The following HPSE2 variants were observed in gnomAD, a reference collection of about 807,000 sequenced individuals.
The protein encoded by HPSE2 is inactive heparanase-2.
Under a neutral mutation model 60.5 loss-of-function variants are expected in HPSE2, and 38 were observed. That is an observed-to-expected ratio of 0.63 (90% CI 0.48 to 0.82). The LOEUF (loss-of-function observed/expected upper bound fraction) is 0.82, where lower values mean the gene tolerates loss of function less well. Ranked by LOEUF, HPSE2 falls within the 40% of genes least tolerant of loss-of-function variation. HPSE2 has a pLI of 0.00. For missense variants in HPSE2, 713 were observed against 740.4 expected (o/e 0.96, Z 0.43); for synonymous variants, 295 against 293.2 (o/e 1.01, Z -0.06).
chr10:98,904,157 T>G (rs1271656874), intron 3 of HPSE2, among the ~76,000 whole-genome samples: 1 of 152,176 alleles, frequency 6.6e-6, no homozygotes, highest in Non-Finnish European at 1.5e-5. Flanking sequence ...TTGTTAACTT[T>G]CTTTGTAAAT....
chr10:99,185,380 T>C (rs762494383), intron 2 of HPSE2, among the ~76,000 whole-genome samples: 5 of 151,866 alleles, frequency 3.3e-5, no homozygotes, highest in Non-Finnish European at 7.4e-5. Flanking sequence ...GAAGAAGAGA[T>C]AAGAAGAAAA....
chr10:98,744,829 C>T lies in HPSE2; in HGVS notation c.611-773G>A, dbSNP rs189221610. On this transcript the variant is annotated intron_variant, in intron 3 of 11. Coordinates refer to ENST00000370552, the MANE Select transcript of HPSE2 (RefSeq NM_021828.5). ...GGTGAGTCTTGGAAAATAGCTCAGC[C>T]TAGTATGATTTCCAAAAATTTTCAC... 1.4e-3 allele frequency among the ~76,000 whole-genome samples: 208 copies of T among 152,294 alleles called. 2 individuals carry two copies. Among genetic ancestry groups the T allele is most frequent in the African/African-American group, 4.8e-3 (198 of 41,554 alleles).
At chr10:98,696,303 A>AC (rs1565087339) in intron 5 of HPSE2, among the ~76,000 whole-genome samples, 3 of 145,392 alleles carry the variant, frequency 2.1e-5, no homozygotes, top group East Asian at 3.9e-4. Context: ...AAAAAAAAAA[A>AC]AAAAAAAAAA....
At chr10:98,617,256 G>A (rs1945937389) in intron 8 of HPSE2, among the ~76,000 whole-genome samples, 1 of 152,104 alleles carries the variant, frequency 6.6e-6, no homozygotes, top group Non-Finnish European at 1.5e-5. Context: ...ATTAGTCAAT[G>A]CTAAATGCTA....
At chr10:98,918,863 T>TA (rs948608299) in intron 3 of HPSE2, among the ~76,000 whole-genome samples, 14 of 151,376 alleles carry the variant, frequency 9.2e-5, no homozygotes, top group Admixed American at 2.0e-4. Flanking sequence ...GGACAATTAA[T>TA]AAAAAAAAGA....
intron 10 of HPSE2, among the ~76,000 whole-genome samples, chr10:98,486,381 G>C (rs566962327): frequency 6.6e-6 from 1 of 152,148 alleles, no homozygotes; most frequent in South Asian, 2.1e-4. Flanking sequence ...GTTCCTTTCA[G>C]GAGAGAAGTT....
chr10:98,465,365 TAGAGGGGTCTAAAACTCACCTAA>T (rs756002118), intron 11 of HPSE2, among the ~76,000 whole-genome samples: 5 of 152,200 alleles, frequency 3.3e-5, no homozygotes, highest in Non-Finnish European at 7.3e-5. Context: ...AATCAAAGTT[TAGAGGGGTCTAAAACTCACCTAA>T]GCCATACAGC....
chr10:98,656,777 T>TG (rs200328746), intron 6 of HPSE2, among the ~76,000 whole-genome samples: 6,398 of 151,210 alleles, frequency 0.042, 204 homozygotes, highest in East Asian at 0.1. Context: ...TTTTTTTTTT[T>TG]TGGGATGGAG....
chr10:99,207,594 C>A lies in HPSE2; in HGVS notation c.448+24754G>T, dbSNP rs551445813. ...AATAATAATGGCTATAATAAAGGAACCTTAACAATAAAAGTTTTTAAAGAA... is the reference window on the plus strand; with the variant it reads ...AATAATAATGGCTATAATAAAGGAAACTTAACAATAAAAGTTTTTAAAGAA... On this transcript the variant is annotated intron_variant, in intron 2 of 11. Transcript: ENST00000370552. Among the ~76,000 whole-genome samples, 6 of 151,982 alleles carry A rather than the reference C, an allele frequency of 3.9e-5. No individual in the cohort carries two copies. In the South Asian group the frequency reaches 6.2e-4, roughly 16 times the overall value.
chr10:98,964,474 A>G (rs1405679799), intron 3 of HPSE2, among the ~76,000 whole-genome samples: 4 of 152,130 alleles, frequency 2.6e-5, no homozygotes, highest in Admixed American at 2.6e-4. Context: ...CTAGGAGCAC[A>G]TTGCTTATTA....
chr10:98,615,834 A>T (rs1050359153), intron 8 of HPSE2, among the ~76,000 whole-genome samples: 9 of 152,212 alleles, frequency 5.9e-5, no homozygotes, highest in African/African-American at 2.2e-4. Context: ...AATAATACAT[A>T]GAATAAATGT....
intron 5 of HPSE2, among the ~76,000 whole-genome samples, chr10:98,716,931 T>C (rs912532651): frequency 5.3e-5 from 8 of 152,106 alleles, no homozygotes; most frequent in South Asian, 2.1e-4. Flanking sequence ...GTGGAGCAGA[T>C]TTAACATAAT....
In HPSE2 at chr10:99,208,237, A is replaced by G. The variant is rs139082330; in HGVS notation, c.448+24111T>C. Among the ~76,000 whole-genome samples the G allele has an allele frequency of 2.1e-3, 326 of 152,230 alleles. 1 individual carries two copies. Among genetic ancestry groups the G allele is most frequent in the African/African-American group, 7.4e-3 (307 of 41,558 alleles). On this transcript the variant is annotated intron_variant, in intron 2 of 11. Coordinates refer to ENST00000370552, the MANE Select transcript of HPSE2 (RefSeq NM_021828.5). Reference sequence around the variant, plus strand: ...AAGATCAAAAACGAATCAAAGCAAAATACTATTAAAAAAATCACCTAATCA... The same window carrying G: ...AAGATCAAAAACGAATCAAAGCAAAGTACTATTAAAAAAATCACCTAATCA...
intron 3 of HPSE2, among the ~76,000 whole-genome samples, chr10:98,903,226 T>C (rs1165966544): frequency 6.6e-6 from 1 of 152,024 alleles, no homozygotes; most frequent in East Asian, 1.9e-4. Flanking sequence ...TAAGAAAAAC[T>C]ATAGAGATAG....
At chr10:99,249,386 G>T in the HPSE2 span, among the ~76,000 whole-genome samples, 30 of 152,304 alleles carry the variant, frequency 2.0e-4, 1 homozygote, top group South Asian at 6.2e-3. Flanking sequence ...TTTAATGACT[G>T]CCCTTCTGTG....
At chr10:98,929,337 G>T (rs1954579818) in intron 3 of HPSE2, among the ~76,000 whole-genome samples, 1 of 143,872 alleles carries the variant, frequency 7.0e-6, no homozygotes, top group Non-Finnish European at 1.5e-5. Flanking sequence ...CTTGACCAGG[G>T]TTGTGGTACT....
At chr10:98,606,266 G>C (rs1305890378) in intron 9 of HPSE2, among the ~76,000 whole-genome samples, 1 of 152,192 alleles carries the variant, frequency 6.6e-6, no homozygotes, top group Admixed American at 6.5e-5. Context: ...GTACAGAGGA[G>C]TAGAGAAAAA....
the HPSE2 span, among the ~76,000 whole-genome samples, chr10:99,307,956 G>A: frequency 1.3e-5 from 2 of 151,962 alleles, no homozygotes; most frequent in African/African-American, 4.8e-5. Context: ...CACTTTGGCA[G>A]TTCCTCAAAA....
At chr10:99,257,407 G>A in the HPSE2 span, among the ~76,000 whole-genome samples, 3 of 152,182 alleles carry the variant, frequency 2.0e-5, no homozygotes, top group Admixed American at 2.0e-4. Flanking sequence ...CTGAGAAAGA[G>A]AATGCATCCC....
Sources: allele counts gnomAD v4.1 joint callset (sites outside exome capture counted in the v4.1 genomes callset), GRCh38; gene constraint gnomAD v4.1.1; transcripts MANE v1.5; gene names NCBI Gene and HGNC (gene_info 2026-07-23, HGNC 2026-07-21).